Variants in FREM2 observed in about 807,000 individuals in gnomAD.
FREM2 encodes the protein FRAS1 related extracellular matrix 2, also known as FRAS1-related extracellular matrix protein 2.
A neutral mutation model predicts 219.9 loss-of-function variants in FREM2; 119 were observed. That is an observed-to-expected ratio of 0.54 (90% CI 0.47 to 0.63). The LOEUF is 0.63. Ranked by LOEUF, FREM2 falls within the 30% of genes least tolerant of loss-of-function variation. The pLI, the probability that FREM2 is intolerant of heterozygous loss-of-function variation, is 0.00. For synonymous variants in FREM2, 1,562 were observed against 1,522.8 expected (o/e 1.03, Z -0.60); for missense variants, 4,030 against 3,993.6 (o/e 1.01, Z -0.25).
chr13:38,710,819 C>T (rs1870741354), intron 2 of FREM2, among the ~76,000 whole-genome samples: 1 of 152,148 alleles, frequency 6.6e-6, no homozygotes, highest in Admixed American at 6.6e-5. Flanking sequence ...ATAGGCTTAC[C>T]AGTTAAAAAT....
chr13:38,773,353 T>G (rs1873743531), intron 4 of FREM2, among the ~76,000 whole-genome samples: 1 of 151,740 alleles, frequency 6.6e-6, no homozygotes, highest in Admixed American at 6.6e-5. Context: ...AAAGAGTGAG[T>G]TCAGTCACTC....
chr13:38,842,719 G>A (rs1277445982), intron 6 of FREM2, among the ~76,000 whole-genome samples: 1 of 152,134 alleles, frequency 6.6e-6, no homozygotes, highest in East Asian at 1.9e-4. Context: ...TTTCATCTCA[G>A]GAGACACAAT....
At chr13:38,772,393 ACT>A (rs1311491269) in intron 4 of FREM2, among the ~76,000 whole-genome samples, 1 of 152,056 alleles carries the variant, frequency 6.6e-6, no homozygotes, top group African/African-American at 2.4e-5. Context: ...GGAATAAACA[ACT>A]CGGCTTTATT....
At chr13:38,811,290 T>A (rs1875465422) in intron 6 of FREM2, among the ~76,000 whole-genome samples, 1 of 152,050 alleles carries the variant, frequency 6.6e-6, no homozygotes, top group Non-Finnish European at 1.5e-5. Context: ...ATTATATTCT[T>A]CATTTCAAAT....
At chr13:38,817,516 A>T (rs368934579) in intron 6 of FREM2, among the ~76,000 whole-genome samples, 1 of 152,180 alleles carries the variant, frequency 6.6e-6, no homozygotes, top group African/African-American at 2.4e-5. Context: ...ATCTACGTGC[A>T]GAAGAATGAA....
At chr13:38,754,901 G>GATGATTATTATTATT (rs56270131) in intron 2 of FREM2, among the ~76,000 whole-genome samples, 1,796 of 128,586 alleles carry the variant, frequency 0.014, 26 homozygotes, top group Admixed American at 0.033. Flanking sequence ...TGATGATGAT[G>GATGATTATTATTATT]ATTATTATTA....
chr13:38,700,353 T>C (rs1219342277), intron 2 of FREM2, among the ~76,000 whole-genome samples: 1 of 151,876 alleles, frequency 6.6e-6, no homozygotes, highest in East Asian at 1.9e-4. Flanking sequence ...AGTTTTGGAG[T>C]GCTTTGGGAC....
At chr13:38,748,941 T>C (rs1012564750) in intron 2 of FREM2, among the ~76,000 whole-genome samples, 2 of 152,186 alleles carry the variant, frequency 1.3e-5, no homozygotes, top group Non-Finnish European at 2.9e-5. Flanking sequence ...GTGTGTGTAC[T>C]GACAAGCACA....
chr13:38,811,452 CT>C (rs528463937), intron 6 of FREM2, among the ~76,000 whole-genome samples: 1 of 151,822 alleles, frequency 6.6e-6, no homozygotes, highest in East Asian at 1.9e-4. Context: ...ATAAGTTTCC[CT>C]TTTAGTACTG....
intron 16 of FREM2, among the ~76,000 whole-genome samples, chr13:38,867,189 T>G (rs1057159383): frequency 5.3e-5 from 8 of 152,246 alleles, no homozygotes; most frequent in African/African-American, 1.4e-4. Flanking sequence ...AAAGCTTATG[T>G]TCCATAATAC....
chr13:38,838,565 G>C (rs879439686), intron 6 of FREM2, among the ~76,000 whole-genome samples: 2 of 152,146 alleles, frequency 1.3e-5, no homozygotes, highest in Admixed American at 1.3e-4. Context: ...TTTCAAACTT[G>C]GTTCTATTCT....
At chr13:38,746,015 A>T (rs1013037747) in intron 2 of FREM2, among the ~76,000 whole-genome samples, 1 of 151,934 alleles carries the variant, frequency 6.6e-6, no homozygotes, top group African/African-American at 2.4e-5. Flanking sequence ...TACTTTTATG[A>T]TTTCTGTATT....
intron 6 of FREM2, among the ~76,000 whole-genome samples, chr13:38,788,379 T>C (rs1874417303): frequency 6.6e-6 from 1 of 152,074 alleles, no homozygotes; most frequent in Non-Finnish European, 1.5e-5. Context: ...TTGGGATGGT[T>C]TATCTATTAA....
At chr13:38,844,648 A>G (rs1353718029) in intron 6 of FREM2, among the ~76,000 whole-genome samples, 1 of 152,076 alleles carries the variant, frequency 6.6e-6, no homozygotes, top group Non-Finnish European at 1.5e-5. Flanking sequence ...GAAGATGGGG[A>G]GGTATCATTG....
At chr13:38,717,990 G>A (rs895342591) in intron 2 of FREM2, among the ~76,000 whole-genome samples, 1 of 152,116 alleles carries the variant, frequency 6.6e-6, no homozygotes, top group Non-Finnish European at 1.5e-5. Flanking sequence ...GAAATAGCAA[G>A]TACAAAACTA....
At chr13:38,824,528 G>A (rs929319975) in intron 6 of FREM2, among the ~76,000 whole-genome samples, 2 of 152,032 alleles carry the variant, frequency 1.3e-5, no homozygotes, top group Non-Finnish European at 2.9e-5. Context: ...AAGGCTCATA[G>A]GTTAGGGGTT....
At chr13:38,699,394 A>G (rs543807088) in intron 2 of FREM2, among the ~76,000 whole-genome samples, 1 of 152,246 alleles carries the variant, frequency 6.6e-6, no homozygotes. Flanking sequence ...CTCTATTCCA[A>G]TTTTGGAAAA....
Position 38,859,424 on chromosome 13 carries a change from A to G in FREM2, c.7353A>G (p.Arg2451=). 1 of 1,614,126 alleles carries G rather than the reference A, an allele frequency of 6.2e-7. No individual in the cohort carries two copies. The highest frequency in any genetic ancestry group is 8.5e-7 in the Non-Finnish European group (1 of 1,180,026). ...CTGACGGTGTGACCAGCCCTATGAG[A>G]GAAGTGGACTTCGACACCTTTTTTA... ...AGPDGVTSPM[R]EVDFDTFFTS... The change falls in exon 14 of 24, where the codon AGA becomes AGG. Residue 2451 remains arginine, a synonymous_variant. Coordinates refer to ENST00000280481, the MANE Select transcript of FREM2 (RefSeq NM_207361.6).
chr13:38,792,073 G>C (rs186342513), intron 6 of FREM2, among the ~76,000 whole-genome samples: 1 of 152,184 alleles, frequency 6.6e-6, no homozygotes. Context: ...TAGGCCAGAT[G>C]CAGTGGCTCA....
Sources: allele counts gnomAD v4.1 joint callset (sites outside exome capture counted in the v4.1 genomes callset), GRCh38; gene constraint gnomAD v4.1.1; transcripts MANE v1.5; gene names NCBI Gene and HGNC (gene_info 2026-07-23, HGNC 2026-07-21).